Variants in ST6GAL2 observed in about 807,000 individuals in gnomAD.
ST6GAL2 encodes ST6 beta-galactoside alpha-2,6-sialyltransferase 2.
In ST6GAL2, 24 loss-of-function variants were observed where a neutral mutation model predicts 37.5. The ratio of observed to expected loss-of-function variants is 0.64; its 90% CI spans 0.46 to 0.90. The LOEUF (loss-of-function observed/expected upper bound fraction) is 0.90, where lower values mean the gene tolerates loss of function less well. ST6GAL2 is among the 40% of genes least tolerant of loss of function. ST6GAL2 has a pLI of 0.00. For missense variants in ST6GAL2, 715 were observed against 712.7 expected, an observed-to-expected ratio of 1.00 and a Z score of -0.04; for synonymous variants, 306 against 295.1, an observed-to-expected ratio of 1.04 and a Z score of -0.38.
chr2:106,830,200 A>C lies in ST6GAL2; in HGVS notation c.1184T>G (p.Ile395Ser). ...ATTTGGGTTTCTCTGACGATGCTGA[A>C]TATATGGAGTGAACAGGTTGTAATC... ...KPDYNLFTPY[I>S]QHRQRNPNQP... is the part of the protein sequence containing the mutation. The change falls in exon 5 of 6, where the codon ATT becomes AGT. Residue 395 changes from isoleucine to serine, a missense_variant. Physicochemically the swap from Ile to Ser is moderately radical, Grantham distance 142 (BLOSUM62 -2). Transcript: ENST00000409382. 6.2e-7 allele frequency: 1 copy of C among 1,613,772 alleles called. No homozygotes were observed. Among genetic ancestry groups the C allele is most frequent in the Middle Eastern group, 1.7e-4 (1 of 6,060 alleles).
intron 5 of ST6GAL2, among the ~76,000 whole-genome samples, chr2:106,826,027 T>C (rs1676187747): frequency 6.6e-6 from 1 of 152,216 alleles, no homozygotes; most frequent in Non-Finnish European, 1.5e-5. Flanking sequence ...ATAATCTCCA[T>C]ACAAAGAAAT....
chr2:106,850,052 T>C (rs1368121987), intron 1 of ST6GAL2, among the ~76,000 whole-genome samples: 1 of 152,194 alleles, frequency 6.6e-6, no homozygotes, highest in Admixed American at 6.5e-5. Context: ...GTCACTCACA[T>C]TGGCTCAGGT....
At chr2:106,857,026 T>C (rs1053151528) in intron 1 of ST6GAL2, among the ~76,000 whole-genome samples, 5 of 152,280 alleles carry the variant, frequency 3.3e-5, no homozygotes, top group East Asian at 1.9e-4. Flanking sequence ...GTGAAAGTCA[T>C]AGACAGGTAA....
At chr2:106,819,368 T>A (rs1316228713) in intron 5 of ST6GAL2, among the ~76,000 whole-genome samples, 3 of 151,238 alleles carry the variant, frequency 2.0e-5, no homozygotes, top group Admixed American at 1.3e-4. Flanking sequence ...AAAACAAATA[T>A]TAATAACATA....
chr2:106,843,720 G>C lies in ST6GAL2; in HGVS notation c.258C>G (p.Ala86=), dbSNP rs765019463. The C allele has an allele frequency of 1.9e-6, 3 of 1,612,776 alleles. No individual in the cohort carries two copies. Among genetic ancestry groups the C allele is most frequent in the East Asian group, 2.2e-5 (1 of 44,874 alleles). The part of the protein sequence containing the change: ...ARQALPRAHP[A]GSFHAGPGDL... ...CTCCAGGCCCCGCATGAAAGGAACC[G>C]GCTGGGTGGGCGCGGGGCAGCGCCT... The change falls in exon 2 of 6, where the codon GCC becomes GCG. Residue 86 remains alanine (A), a synonymous_variant. Transcript: ENST00000409382.
chr2:106,821,380 T>TACTATTAAATATTAAAA (rs1421777023), intron 5 of ST6GAL2, among the ~76,000 whole-genome samples: 13 of 150,528 alleles, frequency 8.6e-5, no homozygotes, highest in African/African-American at 3.2e-4. Flanking sequence ...TATATTAAAT[T>TACTATTAAATATTAAAA]GTATATATAT....
At chr2:106,855,492 C>T (rs1448723274) in intron 1 of ST6GAL2, among the ~76,000 whole-genome samples, 1 of 152,102 alleles carries the variant, frequency 6.6e-6, no homozygotes, top group Non-Finnish European at 1.5e-5. Context: ...TGTTTAAACA[C>T]ATAATATAAA....
chr2:106,812,089 G>T (rs1019730648), intron 5 of ST6GAL2, among the ~76,000 whole-genome samples: 2 of 152,140 alleles, frequency 1.3e-5, no homozygotes, highest in African/African-American at 4.8e-5. Context: ...GAGGCCTTGG[G>T]AAGTGATTAG....
intron 1 of ST6GAL2, among the ~76,000 whole-genome samples, chr2:106,853,574 T>C (rs1043576482): frequency 6.6e-6 from 1 of 152,166 alleles, no homozygotes; most frequent in African/African-American, 2.4e-5. Flanking sequence ...GCCAGTGGAA[T>C]GCCTGGGCCC....
chr2:106,823,723 G>T lies in ST6GAL2; in HGVS notation c.1318+6343C>A, dbSNP rs1362647852. On this transcript the variant is annotated intron_variant, in intron 5 of 5. Coordinates refer to ENST00000409382, the MANE Select transcript of ST6GAL2 (RefSeq NM_001142351.2). ...AAACTGGGTGGCTTATAAATGACAA[G>T]AATTTATTTCTCATAGTTTTAGGGG... 2.0e-5 allele frequency among the ~76,000 whole-genome samples: 3 copies of T among 152,104 alleles called. 1 individual carries two copies. Among genetic ancestry groups the T allele is most frequent in the East Asian group, 3.9e-4 (2 of 5,184 alleles).
At chr2:106,833,721 T>C (rs1451065397) in intron 3 of ST6GAL2, among the ~76,000 whole-genome samples, 2 of 152,216 alleles carry the variant, frequency 1.3e-5, no homozygotes, top group African/African-American at 4.8e-5. Context: ...GCTTTCTTTA[T>C]TGCCATTTCT....
intron 5 of ST6GAL2, among the ~76,000 whole-genome samples, chr2:106,812,548 T>C (rs991406396): frequency 1.1e-4 from 17 of 152,132 alleles, no homozygotes; most frequent in Admixed American, 8.5e-4. Flanking sequence ...ACCACGCTTA[T>C]CAGTTAGAGG....
chr2:106,878,924 T>A (rs1329380958), intron 1 of ST6GAL2, among the ~76,000 whole-genome samples: 1 of 152,060 alleles, frequency 6.6e-6, no homozygotes, highest in Non-Finnish European at 1.5e-5. Flanking sequence ...CGACATGGAG[T>A]AAAATGAGTT....
At chr2:106,883,132 A>G (rs2104663797) in intron 1 of ST6GAL2, among the ~76,000 whole-genome samples, 1 of 152,232 alleles carries the variant, frequency 6.6e-6, no homozygotes, top group East Asian at 1.9e-4. Flanking sequence ...TCCCCTTTAA[A>G]TGTATTTCAC....
At chr2:106,815,497 A>G (rs1364200989) in intron 5 of ST6GAL2, among the ~76,000 whole-genome samples, 1 of 152,228 alleles carries the variant, frequency 6.6e-6, no homozygotes, top group East Asian at 1.9e-4. Context: ...ATAGCAAGGA[A>G]AACAAAAGTC....
chr2:106,856,737 T>C (rs1677591163), intron 1 of ST6GAL2, among the ~76,000 whole-genome samples: 2 of 152,158 alleles, frequency 1.3e-5, no homozygotes, highest in Non-Finnish European at 2.9e-5. Flanking sequence ...CCTGGTATCT[T>C]TGAAGGCAGT....
intron 5 of ST6GAL2, among the ~76,000 whole-genome samples, chr2:106,812,684 T>C (rs1157045972): frequency 6.6e-6 from 1 of 152,228 alleles, no homozygotes; most frequent in Non-Finnish European, 1.5e-5. Context: ...ATACCATATA[T>C]GCACAAATTC....
intron 1 of ST6GAL2, among the ~76,000 whole-genome samples, chr2:106,869,438 C>T (rs1558725632): frequency 6.6e-6 from 1 of 152,162 alleles, no homozygotes; most frequent in Non-Finnish European, 1.5e-5. Flanking sequence ...TTCAAAATAT[C>T]GACCGCCCTT....
intron 2 of ST6GAL2, among the ~76,000 whole-genome samples, chr2:106,838,645 C>A (rs1428764537): frequency 6.6e-6 from 1 of 152,170 alleles, no homozygotes; most frequent in African/African-American, 2.4e-5. Flanking sequence ...CCAGACTCTG[C>A]ACATGTGACT....
Sources: gnomAD v4.1 joint callset for allele counts (sites outside exome capture counted in the v4.1 genomes callset) on GRCh38, gnomAD v4.1.1 for gene constraint, MANE v1.5 for transcripts, NCBI Gene and HGNC (gene_info 2026-07-23, HGNC 2026-07-21) for gene names.